The following RNF4 variants were observed in gnomAD, a reference collection of about 807,000 sequenced individuals.
RNF4 encodes the protein E3 ubiquitin-protein ligase RNF4.
RNF4 carries 7 observed loss-of-function variants against 24.3 expected under a neutral mutation model. The observed-to-expected ratio is 0.29, with a 90% CI of 0.16 to 0.54. The LOEUF (loss-of-function observed/expected upper bound fraction) is 0.54. Among genes scored for constraint, RNF4 ranks in the 20% least tolerant of loss-of-function variants. The pLI is 0.95. For synonymous variants in RNF4, 83 were observed against 84.3 expected (o/e 0.98, Z 0.09); for missense variants, 209 against 248.5 (o/e 0.84, Z 1.07).
At chr4:2,478,551 G>C (rs1438237773) in intron 1 of RNF4, among the ~76,000 whole-genome samples, 1 of 152,254 alleles carries the variant, frequency 6.6e-6, no homozygotes, top group Non-Finnish European at 1.5e-5. Flanking sequence ...AGCCGTCTCA[G>C]CTGTGGCCAA....
At chr4:2,473,738 G>A (rs1372545416) in intron 1 of RNF4, among the ~76,000 whole-genome samples, 1 of 151,094 alleles carries the variant, frequency 6.6e-6, no homozygotes, top group Non-Finnish European at 1.5e-5. Context: ...TAAACCTGGA[G>A]GGGCAGAGGT....
intron 3 of RNF4, among the ~76,000 whole-genome samples, chr4:2,498,239 A>C (rs935448539): frequency 3.9e-5 from 6 of 152,172 alleles, no homozygotes; most frequent in Non-Finnish European, 8.8e-5. Context: ...GTTGGAGTGC[A>C]ATCGCGTGAT....
chr4:2,503,570 A>G (rs1735979671), intron 4 of RNF4, among the ~76,000 whole-genome samples: 2 of 152,170 alleles, frequency 1.3e-5, no homozygotes, highest in African/African-American at 2.4e-5. Context: ...GCTCTTGCTA[A>G]TCATTCTCTA....
rs531560553 is a variant in RNF4, at chr4:2,514,994, G to A, written c.*1175G>A. 3.3e-5 allele frequency: 5 copies of A among 152,492 alleles called. No individual in the cohort carries two copies. Among genetic ancestry groups the A allele is most frequent in the East Asian group, 3.8e-4 (2 of 5,198 alleles). The allele number at this position is 152,492 out of a possible 1,614,324, so 9.4% of individuals were successfully genotyped here. On this transcript the variant is annotated 3_prime_UTR_variant, in exon 8 of 8. Transcript: ENST00000314289. ...CCTCTCCTTCGCTCCACAGGTACGC[G>A]GGAGCCTCAGGTTCTCTCAGGGGCA...
chr4:2,506,866 G>C (rs1003062852), intron 4 of RNF4, among the ~76,000 whole-genome samples: 11 of 152,204 alleles, frequency 7.2e-5, no homozygotes, highest in Admixed American at 5.2e-4. Context: ...CACTGAGCCT[G>C]ACCTTGGGTC....
chr4:2,479,019 A>T (rs915196358), intron 1 of RNF4, among the ~76,000 whole-genome samples: 3 of 152,206 alleles, frequency 2.0e-5, no homozygotes, highest in Admixed American at 6.5e-5. Flanking sequence ...AGGCCATGGG[A>T]ACTCACCTCT....
Position 2,513,685 on chromosome 4 carries a change from C to T in RNF4, c.439C>T (p.Arg147Cys), listed in dbSNP as rs1444108083. The change falls in exon 8 of 8, where the codon CGT (arginine) becomes TGT (cysteine). Residue 147 changes from arginine (R) to cysteine (C), a missense_variant. Arg to Cys is a radical substitution (Grantham distance 180). Transcript: ENST00000314289. ...DGYSEIVQNGRLIVSTECGHV... is the reference protein window; with the variant it reads ...DGYSEIVQNGCLIVSTECGHV... ...TGCCTTCTAGATCGTGCAGAATGGA[C>T]GTCTCATCGTTTCCACAGAATGCGG... 4 of 1,613,864 alleles carry T rather than the reference C, an allele frequency of 2.5e-6. No individual in the cohort carries two copies. The highest frequency in any genetic ancestry group is 2.2e-5 in the East Asian group (1 of 44,882).
intron 3 of RNF4, among the ~76,000 whole-genome samples, chr4:2,497,960 A>G (rs1452828955): frequency 1.3e-5 from 2 of 152,128 alleles, no homozygotes; most frequent in Non-Finnish European, 2.9e-5. Flanking sequence ...TAAACAGAAG[A>G]AACTTAGTGC....
At chr4:2,476,030 G>A (rs1346170908) in intron 1 of RNF4, among the ~76,000 whole-genome samples, 1 of 152,068 alleles carries the variant, frequency 6.6e-6, no homozygotes, top group African/African-American at 2.4e-5. Context: ...TGCTTTCACC[G>A]CAGAGGAGTC....
chr4:2,484,408 T>A (rs964015674), intron 1 of RNF4, among the ~76,000 whole-genome samples: 2 of 152,098 alleles, frequency 1.3e-5, no homozygotes, highest in African/African-American at 4.8e-5. Context: ...TGCCCGCCTG[T>A]ATGTCTCTAT....
chr4:2,491,890 CACCTGGCCA>C (rs1735588249), intron 2 of RNF4, among the ~76,000 whole-genome samples: 1 of 151,448 alleles, frequency 6.6e-6, no homozygotes, highest in Admixed American at 6.6e-5. Context: ...TGCACCACCG[CACCTGGCCA>C]ATTTTTAAGA....
intron 1 of RNF4, among the ~76,000 whole-genome samples, chr4:2,473,930 A>G (rs1099774): frequency 0.85 from 129,071 of 152,178 alleles, 54,804 homozygotes; most frequent in South Asian, 0.89. Flanking sequence ...AAATTAGCTG[A>G]GCGTGGTAGT....
intron 1 of RNF4, among the ~76,000 whole-genome samples, chr4:2,488,866 T>C (rs1735496442): frequency 6.6e-6 from 1 of 152,046 alleles, no homozygotes; most frequent in African/African-American, 2.4e-5. Flanking sequence ...TTGTCCAGGG[T>C]GGAGTGTAAT....
intron 1 of RNF4, among the ~76,000 whole-genome samples, chr4:2,478,448 G>A (rs944439124): frequency 2.0e-5 from 3 of 152,176 alleles, no homozygotes; most frequent in Admixed American, 6.5e-5. Flanking sequence ...TCCCATCATA[G>A]GCCCAGATGC....
rs1256736538 is a variant in RNF4 at position 2,513,790 on chromosome 4, C to A, written c.544C>A (p.His182Asn). 1 of 1,613,964 alleles carries A rather than the reference C, an allele frequency of 6.2e-7. No individual in the cohort carries two copies. The highest frequency in any genetic ancestry group is 1.1e-5 in the South Asian group (1 of 91,086). Reference sequence around the variant, plus strand: ...CCCAACTTGTAGGAAAAAGATCAACCACAAACGGTACCACCCCATTTATAT... The same window carrying A: ...CCCAACTTGTAGGAAAAAGATCAACAACAAACGGTACCACCCCATTTATAT... ...TCPTCRKKIN[H>N]KRYHPIYI The change falls in exon 8 of 8, where the codon CAC becomes AAC. Residue 182 changes from histidine to asparagine, a missense_variant. By Grantham distance (68) the His-to-Asn change is moderately conservative. Around this residue, in one of 3 missense-constraint regions of RNF4, gnomAD observed 17 missense variants for 16.2 expected, o/e 1.05. Coordinates refer to ENST00000314289, the MANE Select transcript of RNF4 (RefSeq NM_002938.5).
intron 1 of RNF4, among the ~76,000 whole-genome samples, chr4:2,487,205 C>T (rs1735435832): frequency 6.6e-6 from 1 of 152,226 alleles, no homozygotes; most frequent in South Asian, 2.1e-4. Context: ...CTCCTGGGCT[C>T]AGGTGATCCT....
chr4:2,512,605 C>A lies in RNF4; in HGVS notation c.374+8C>A. On this transcript the variant is annotated splice_region_variant and intron_variant, in intron 6 of 7. Coordinates refer to ENST00000314289, the MANE Select transcript of RNF4 (RefSeq NM_002938.5). This position sits in a 1 kb window ranked among gnomAD's most constrained non-coding sequence, Gnocchi z 4.1. The stretch of plus-strand genomic sequence containing the variant: ...GGGCGCTACAGGCCTCAGGTACCAA[C>A]GTGCCCCCAGCTCTGCTGCCGCCAT... The A allele has an allele frequency of 6.2e-7, 1 of 1,613,186 alleles. No homozygotes were observed. Among genetic ancestry groups the A allele is most frequent in the South Asian group, 1.1e-5 (1 of 91,016 alleles).
chr4:2,469,819 C>G (rs1734840040), intron 1 of RNF4: 1 of 152,538 alleles, frequency 6.6e-6, no homozygotes, highest in African/African-American at 2.4e-5. Context: ...GCCTCGATTT[C>G]CGGGCGCGCT....
chr4:2,500,624 A>AAG (rs1735881576), intron 3 of RNF4, 35 bp from the exon 4 acceptor site: 3 of 1,605,896 alleles, frequency 1.9e-6, no homozygotes, highest in Non-Finnish European at 2.6e-6. Context: ...CTTTCCTCTT[A>AAG]ATCTTAATGC....
Sources: gnomAD v4.1 joint callset for allele counts (sites outside exome capture counted in the v4.1 genomes callset) on GRCh38, gnomAD v4.1.1 for gene constraint, gnomAD v4.1.1 regional missense constraint, Gnocchi (gnomAD v3.1) non-coding constraint, MANE v1.5 for transcripts, NCBI Gene and HGNC (gene_info 2026-07-23, HGNC 2026-07-21) for gene names.